The following FAAH2 variants were observed in gnomAD, a reference collection of about 807,000 sequenced individuals.
FAAH2 encodes fatty acid amide hydrolase 2, also known as fatty-acid amide hydrolase 2.
FAAH2 carries 60 observed loss-of-function variants against 36.9 expected under a neutral mutation model. That is an observed-to-expected ratio of 1.63 (90% confidence interval 1.32 to 2.02). The LOEUF (loss-of-function observed/expected upper bound fraction) is 2.02. FAAH2 is among the 30% of genes most tolerant of loss of function. The pLI is 0.00. For missense variants in FAAH2, 689 were observed against 397.5 expected, an observed-to-expected ratio of 1.73 and a Z score of -6.23; for synonymous variants, 214 against 143.8, an observed-to-expected ratio of 1.49 and a Z score of -3.49.
intron 10 of FAAH2, among the ~76,000 whole-genome samples, chrX:57,458,010 C>T (rs2056891913): frequency 9.0e-6 from 1 of 111,476 alleles, no homozygotes; most frequent in Non-Finnish European, 1.9e-5. Context: ...TCAAAAAGAG[C>T]CAATACAGAA....
intron 7 of FAAH2, among the ~76,000 whole-genome samples, chrX:57,389,251 CACAT>C (rs1177006646): frequency 1.2e-5 from 1 of 80,817 alleles, no homozygotes; most frequent in South Asian, 7.6e-4. Flanking sequence ...CTTACACACA[CACAT>C]ACACACGCAC....
the FAAH2 span, among the ~76,000 whole-genome samples, chrX:57,233,105 A>G: frequency 1.9e-4 from 21 of 112,011 alleles, no homozygotes; most frequent in African/African-American, 6.8e-4. Flanking sequence ...CTATGGTATT[A>G]TGTAGATCAA....
intron 7 of FAAH2, among the ~76,000 whole-genome samples, chrX:57,412,915 TCTAA>T (rs2055739377): frequency 8.9e-6 from 1 of 112,467 alleles, no homozygotes; most frequent in Admixed American, 9.4e-5. Flanking sequence ...TGATCGCCAT[TCTAA>T]CTAACATGAG....
At chrX:57,153,571 C>T in the FAAH2 span, among the ~76,000 whole-genome samples, 3 of 112,044 alleles carry the variant, frequency 2.7e-5, no homozygotes, top group East Asian at 8.4e-4. Flanking sequence ...TTGGCAAATT[C>T]TCTCAGCTTT....
At position 57,331,747 on chromosome X, in the gene FAAH2, A is replaced by G. The variant is rs778341894; in HGVS notation, c.562A>G (p.Lys188Glu). The change falls in exon 4 of 11, where the codon AAG (lysine) becomes GAG (glutamate). Residue 188 changes from lysine (K) to glutamate (E), a missense_variant. Physicochemically the swap from Lys to Glu is moderately conservative, Grantham distance 56. Coordinates refer to ENST00000374900, the MANE Select transcript of FAAH2 (RefSeq NM_174912.4). The part of the protein sequence containing the change: ...ELCMWYESSN[K>E]IYGRSNNPYD... ...GTGTATGTGGTATGAATCCAGTAAC[A>G]AGATCTATGGCCGATCAAACAACCC... The G allele has an allele frequency of 2.5e-6, 3 of 1,211,638 alleles. No homozygotes were observed. The highest frequency in any genetic ancestry group is 3.4e-6 in the Non-Finnish European group (3 of 895,491).
At chrX:57,212,540 C>A in the FAAH2 span, among the ~76,000 whole-genome samples, 1 of 112,193 alleles carries the variant, frequency 8.9e-6, no homozygotes, top group South Asian at 3.7e-4. Context: ...AACAAAACTT[C>A]TGAAAATAAA....
chrX:57,283,004 T>G (rs1453368907), upstream of FAAH2, among the ~76,000 whole-genome samples: 1 of 111,950 alleles, frequency 8.9e-6, no homozygotes, highest in African/African-American at 3.3e-5. Flanking sequence ...TGTCTTTTGG[T>G]GCTCTACCCT....
intron 7 of FAAH2, among the ~76,000 whole-genome samples, chrX:57,408,269 T>G (rs1261709150): frequency 9.0e-6 from 1 of 111,145 alleles, no homozygotes; most frequent in Non-Finnish European, 1.9e-5. Context: ...TTAACAATAT[T>G]AATTTTCCAA....
intron 10 of FAAH2, among the ~76,000 whole-genome samples, chrX:57,466,115 G>A (rs1280868822): frequency 1.1e-5 from 1 of 90,980 alleles, no homozygotes; most frequent in Non-Finnish European, 2.1e-5. Flanking sequence ...CTATAGCACT[G>A]TATTGTTGGA....
chrX:57,469,346 G>T (rs1462623266), intron 10 of FAAH2, among the ~76,000 whole-genome samples: 1 of 111,333 alleles, frequency 9.0e-6, no homozygotes, highest in Middle Eastern at 4.2e-3. Flanking sequence ...GCTGTATTCA[G>T]GAGACCCATC....
At chrX:57,364,443 CTTTT>C (rs1225398163) in intron 5 of FAAH2, among the ~76,000 whole-genome samples, 1 of 73,314 alleles carries the variant, frequency 1.4e-5, no homozygotes, top group African/African-American at 5.3e-5. Flanking sequence ...GGATCTTCTC[CTTTT>C]TTTTTTTTTT....
At chrX:57,481,517 C>T (rs1401157608) in intron 10 of FAAH2, among the ~76,000 whole-genome samples, 7 of 111,969 alleles carry the variant, frequency 6.3e-5, no homozygotes, top group African/African-American at 1.3e-4. Context: ...AGGTCTGCTG[C>T]GGTTGCTGGA....
At chrX:57,279,454 G>A in the FAAH2 span, among the ~76,000 whole-genome samples, 1 of 111,715 alleles carries the variant, frequency 9.0e-6, no homozygotes, top group Non-Finnish European at 1.9e-5. Context: ...GCCTGTTGGG[G>A]ACTGGGGGAC....
chrX:57,260,220 T>C, the FAAH2 span, among the ~76,000 whole-genome samples: 5 of 111,846 alleles, frequency 4.5e-5, no homozygotes, highest in Non-Finnish European at 7.5e-5. Context: ...CAGAGTATCC[T>C]TGTAATGAAA....
At chrX:57,404,046 G>A (rs1250824047) in intron 7 of FAAH2, among the ~76,000 whole-genome samples, 2 of 112,404 alleles carry the variant, frequency 1.8e-5, no homozygotes, top group African/African-American at 6.5e-5. Flanking sequence ...TCTTCTGTTA[G>A]CAAAGCAGTT....
chrX:57,449,433 T>C (rs77369250), intron 10 of FAAH2, among the ~76,000 whole-genome samples: 4 of 112,238 alleles, frequency 3.6e-5, no homozygotes, highest in Non-Finnish European at 5.6e-5. Context: ...GAGGAAGACA[T>C]TGAATCTTTC....
At position 57,375,353 on chromosome X, in the gene FAAH2, C is replaced by CTTT. The variant is rs202228022; in HGVS notation, c.743-3282_743-3280dup. On this transcript the variant is annotated intron_variant, in intron 5 of 10. Coordinates refer to ENST00000374900, the MANE Select transcript of FAAH2 (RefSeq NM_174912.4). The stretch of plus-strand genomic sequence containing the variant: ...AGCTGTGAATCCATCTGGTACTGCA[C>CTTT]TTTTTTTTTTTTTTTTTTGTAAATT... Among the ~76,000 whole-genome samples the CTTT allele has an allele frequency of 5.7e-4, 37 of 65,225 alleles. 1 individual carries two copies. The highest frequency in any genetic ancestry group is 2.0e-3 in the African/African-American group (31 of 15,204). 56.6% of individuals were successfully genotyped at this position (65,225 alleles called of 115,157 possible).
At chrX:57,417,934 A>G (rs990317174) in intron 7 of FAAH2, among the ~76,000 whole-genome samples, 12 of 111,620 alleles carry the variant, frequency 1.1e-4, no homozygotes, top group African/African-American at 3.9e-4. Flanking sequence ...CTTCCAAGTG[A>G]GGAGGAATCT....
At chrX:57,217,128 G>GT in the FAAH2 span, among the ~76,000 whole-genome samples, 2 of 110,021 alleles carry the variant, frequency 1.8e-5, no homozygotes, top group Non-Finnish European at 3.8e-5. Flanking sequence ...GGGATTGATT[G>GT]TTTTTTTCCT....
Sources: allele counts gnomAD v4.1 joint callset (sites outside exome capture counted in the v4.1 genomes callset), GRCh38; gene constraint gnomAD v4.1.1; transcripts MANE v1.5; gene names NCBI Gene and HGNC (gene_info 2026-07-23, HGNC 2026-07-21).